Variants in DIXDC1 observed in about 807,000 individuals in gnomAD.
DIXDC1 encodes the protein DIX domain containing 1.
Under a neutral mutation model 103.1 loss-of-function variants are expected in DIXDC1, and 64 were observed. The observed-to-expected ratio is 0.62, with a 90% CI of 0.51 to 0.76. The LOEUF (loss-of-function observed/expected upper bound fraction) is 0.76, where lower values mean the gene tolerates loss of function less well. Ranked by LOEUF, DIXDC1 falls within the 30% of genes least tolerant of loss-of-function variation. DIXDC1 has a pLI of 0.00. For missense variants in DIXDC1, 759 were observed against 834.2 expected (o/e 0.91, Z 1.11); for synonymous variants, 266 against 298.5 (o/e 0.89, Z 1.12).
chr11:111,937,616 G>A (rs1403711688), intron 1 of DIXDC1, 57 bp downstream of exon 1: 1 of 1,524,258 alleles, frequency 6.6e-7, no homozygotes, highest in Non-Finnish European at 8.9e-7. Context: ...CTCCCGCCCA[G>A]TCTCCGGAAG....
chr11:111,987,808 C>A (rs925193932), intron 9 of DIXDC1, among the ~76,000 whole-genome samples: 4 of 151,786 alleles, frequency 2.6e-5, no homozygotes, highest in Non-Finnish European at 4.4e-5. Flanking sequence ...TACAGGCGCC[C>A]GCCACCATAC....
chr11:111,942,090 C>T (rs1966439631), intron 1 of DIXDC1, among the ~76,000 whole-genome samples: 1 of 152,202 alleles, frequency 6.6e-6, no homozygotes, highest in Non-Finnish European at 1.5e-5. Context: ...GTCTACAGAG[C>T]AACTCAGCAC....
chr11:111,930,742 G>A (rs1452342443), intron 2 of DIXDC1, among the ~76,000 whole-genome samples: 2 of 151,812 alleles, frequency 1.3e-5, no homozygotes, highest in African/African-American at 2.4e-5. Flanking sequence ...GCTTATGCCT[G>A]TAATCCCAGG....
chr11:111,990,790 T>A, intron 10 of DIXDC1, among the ~76,000 whole-genome samples: 1 of 152,106 alleles, frequency 6.6e-6, no homozygotes, highest in Non-Finnish European at 1.5e-5. Context: ...CACTGCAACC[T>A]CCACCTCCCG....
At chr11:111,945,287 G>C (rs918247941) in intron 1 of DIXDC1, among the ~76,000 whole-genome samples, 8 of 152,218 alleles carry the variant, frequency 5.3e-5, no homozygotes, top group African/African-American at 1.9e-4. Context: ...AACTTTGAGA[G>C]AGATGAGGGA....
chr11:111,979,304 T>C (rs1229775484), intron 5 of DIXDC1, among the ~76,000 whole-genome samples: 5 of 152,174 alleles, frequency 3.3e-5, no homozygotes, highest in African/African-American at 1.2e-4. Context: ...TTTTACTGGA[T>C]TCTAGGAGGA....
chr11:111,929,829 T>C (rs1456436109), exon 2 of DIXDC1: 1 of 1,527,348 alleles, frequency 6.5e-7, no homozygotes, highest in Non-Finnish European at 8.8e-7. Context: ...TGGCCCTGAT[T>C]CGTCTCTTCT....
chr11:111,980,794 A>G lies in DIXDC1; in HGVS notation c.714A>G (p.Ser238=). ...AGAGCGAGTCCATTATAACCCAGTCAGAAGAGAAGGCAGATTTTGTGATTA... is the reference window on the plus strand; with the variant it reads ...AGAGCGAGTCCATTATAACCCAGTCGGAAGAGAAGGCAGATTTTGTGATTA... ...SAKSESIITQ[S]EEKADFVIIP... is the part of the protein sequence containing the mutation. The change falls in exon 6 of 20, where the codon TCA becomes TCG. Residue 238 remains serine (S), a synonymous_variant. Coordinates refer to ENST00000440460, the MANE Select transcript of DIXDC1 (RefSeq NM_001037954.4). The G allele has an allele frequency of 1.2e-6, 2 of 1,614,030 alleles. No homozygotes were observed. Among genetic ancestry groups the G allele is most frequent in the Non-Finnish European group, 1.7e-6 (2 of 1,179,884 alleles).
At chr11:111,941,917 T>C (rs1463818038) in intron 1 of DIXDC1, among the ~76,000 whole-genome samples, 1 of 150,636 alleles carries the variant, frequency 6.6e-6, no homozygotes, top group Non-Finnish European at 1.5e-5. Context: ...AAGGGGGACA[T>C]AGAGTGAGTG....
chr11:111,992,355 A>G, intron 10 of DIXDC1, 60 bp from the exon 11 acceptor site: 1 of 1,415,966 alleles, frequency 7.1e-7, no homozygotes, highest in Non-Finnish European at 9.7e-7. Context: ...AGTAATTTGT[A>G]ATAATAACTG....
chr11:111,942,359 A>G (rs1173147760), intron 1 of DIXDC1, among the ~76,000 whole-genome samples: 3 of 152,258 alleles, frequency 2.0e-5, no homozygotes, highest in Non-Finnish European at 2.9e-5. Flanking sequence ...TTCATCTGCC[A>G]TGATTGGCCT....
chr11:111,935,897 C>T (rs1382915791), upstream of DIXDC1, among the ~76,000 whole-genome samples: 3 of 152,204 alleles, frequency 2.0e-5, no homozygotes, highest in Non-Finnish European at 4.4e-5. Context: ...CTGCCCCCTG[C>T]CTGTTGTGGT....
intron 3 of DIXDC1, 81 bp from the exon 4 acceptor site, chr11:111,973,942 A>G: frequency 2.2e-6 from 3 of 1,349,438 alleles, no homozygotes; most frequent in Non-Finnish European, 3.1e-6. Context: ...GCAATATGTA[A>G]TAAATGCAGA....
intron 2 of DIXDC1, 27 bp from the exon 3 acceptor site, chr11:111,968,486 C>A (rs1555171780): frequency 6.2e-7 from 1 of 1,607,706 alleles, no homozygotes. Context: ...CTCCCTATAA[C>A]TTCCTATATT....
At chr11:111,931,668 A>T (rs186108701) in intron 2 of DIXDC1, among the ~76,000 whole-genome samples, 32 of 152,224 alleles carry the variant, frequency 2.1e-4, no homozygotes, top group South Asian at 6.2e-4. Context: ...ATAAATAATT[A>T]AAAAAAGACT....
chr11:111,989,953 T>A (rs1860643120), intron 10 of DIXDC1, among the ~76,000 whole-genome samples: 1 of 147,988 alleles, frequency 6.8e-6, no homozygotes, highest in Non-Finnish European at 1.5e-5. Context: ...CACGCCCGGC[T>A]AATTTTTTGT....
At chr11:112,011,030 A>G (rs1566578466) in intron 17 of DIXDC1, among the ~76,000 whole-genome samples, 1 of 152,248 alleles carries the variant, frequency 6.6e-6, no homozygotes, top group Non-Finnish European at 1.5e-5. Context: ...ACAGAATGGG[A>G]GAAAATTTTT....
chr11:112,013,321 T>TGGGGGGGGG (rs1403269609), intron 17 of DIXDC1, among the ~76,000 whole-genome samples: 59 of 35,700 alleles, frequency 1.7e-3, no homozygotes, highest in Admixed American at 2.4e-3. Context: ...GGTCGGGGGG[T>TGGGGGGGGG]GGGGGTGGGG....
intron 9 of DIXDC1, among the ~76,000 whole-genome samples, chr11:111,987,160 G>T (rs1221468479): frequency 6.6e-6 from 1 of 151,808 alleles, no homozygotes; most frequent in Non-Finnish European, 1.5e-5. Context: ...TGAGGCAGGA[G>T]AATTGCTTGA....
Sources: allele counts gnomAD v4.1 joint callset (sites outside exome capture counted in the v4.1 genomes callset), GRCh38; gene constraint gnomAD v4.1.1; transcripts MANE v1.5; gene names NCBI Gene and HGNC (gene_info 2026-07-23, HGNC 2026-07-21).